The following C9 variants were observed in gnomAD, a reference collection of about 807,000 sequenced individuals.
C9 encodes complement C9.
A neutral mutation model predicts 65.4 loss-of-function variants in C9; 63 were observed. The ratio of observed to expected loss-of-function variants is 0.96; its 90% CI spans 0.79 to 1.19. C9 has a LOEUF of 1.19. Among genes scored for constraint, C9 ranks in the 50% most tolerant of loss-of-function variants. The pLI, the probability that C9 is intolerant of heterozygous loss-of-function variation, is 0.00. For synonymous variants in C9, 229 were observed against 227.9 expected, an observed-to-expected ratio of 1.00 and a Z score of -0.04; for missense variants, 744 against 670.1, an observed-to-expected ratio of 1.11 and a Z score of -1.22.
intron 5 of C9, among the ~76,000 whole-genome samples, chr5:39,319,750 T>G (rs1178777581): frequency 3.3e-5 from 5 of 152,154 alleles, no homozygotes; most frequent in Non-Finnish European, 7.4e-5. Flanking sequence ...CCAGCCTTCA[T>G]GAGTTCAGCC....
At chr5:39,318,493 T>G (rs1579855104) in intron 5 of C9, among the ~76,000 whole-genome samples, 1 of 152,186 alleles carries the variant, frequency 6.6e-6, no homozygotes, top group South Asian at 2.1e-4. Flanking sequence ...TGGCTGTGGG[T>G]TTTTCATATA....
At chr5:39,313,755 C>T (rs76308721) in intron 6 of C9, among the ~76,000 whole-genome samples, 3,978 of 152,254 alleles carry the variant, frequency 0.026, 162 homozygotes, top group African/African-American at 0.089. Context: ...GACCCCATGA[C>T]GAAGTCAACA....
intron 9 of C9, among the ~76,000 whole-genome samples, chr5:39,294,748 C>G (rs1198993207): frequency 1.3e-5 from 2 of 151,708 alleles, no homozygotes; most frequent in Non-Finnish European, 3.0e-5. Flanking sequence ...CAAAACCAGA[C>G]AAGGACACAA....
At chr5:39,340,820 A>G (rs1363169342) in intron 4 of C9, among the ~76,000 whole-genome samples, 1 of 152,190 alleles carries the variant, frequency 6.6e-6, no homozygotes, top group Non-Finnish European at 1.5e-5. Flanking sequence ...AAATGTTAAC[A>G]TATCATGTCA....
intron 4 of C9, among the ~76,000 whole-genome samples, chr5:39,336,508 A>G (rs1169511447): frequency 1.3e-5 from 2 of 152,126 alleles, no homozygotes; most frequent in Admixed American, 1.3e-4. Flanking sequence ...TGCCATATAT[A>G]GGTATCTTAA....
At chr5:39,287,316 T>A (rs1753007224) in intron 10 of C9, among the ~76,000 whole-genome samples, 1 of 152,030 alleles carries the variant, frequency 6.6e-6, no homozygotes. Context: ...ATTTTTATAG[T>A]TTCAGATCTT....
chr5:39,343,793 C>A (rs935275099), intron 1 of C9, among the ~76,000 whole-genome samples: 1 of 152,328 alleles, frequency 6.6e-6, no homozygotes, highest in East Asian at 1.9e-4. Flanking sequence ...CAGACTGACA[C>A]CTCACATGGC....
At chr5:39,302,922 C>T (rs1216246830) in intron 9 of C9, among the ~76,000 whole-genome samples, 1 of 152,102 alleles carries the variant, frequency 6.6e-6, no homozygotes, top group Non-Finnish European at 1.5e-5. Flanking sequence ...AGTAATATTT[C>T]TTATGAGTCT....
intron 10 of C9, among the ~76,000 whole-genome samples, chr5:39,285,829 G>C (rs554543378): frequency 6.6e-6 from 1 of 151,934 alleles, no homozygotes; most frequent in Non-Finnish European, 1.5e-5. Context: ...AGTTGAGGGA[G>C]AGAAAGTTGG....
intron 1 of C9, among the ~76,000 whole-genome samples, chr5:39,345,070 G>C (rs497433): frequency 0.29 from 43,275 of 151,444 alleles, 7,027 homozygotes; most frequent in Non-Finnish European, 0.36. Context: ...CAAAAACATG[G>C]CAAATTGTAA....
intron 10 of C9, among the ~76,000 whole-genome samples, chr5:39,287,936 T>C (rs1315201965): frequency 6.6e-6 from 1 of 151,924 alleles, no homozygotes; most frequent in Non-Finnish European, 1.5e-5. Context: ...ATGCAATATA[T>C]CCTTGTAACA....
At chr5:39,325,266 T>C (rs1753728873) in intron 5 of C9, among the ~76,000 whole-genome samples, 1 of 152,170 alleles carries the variant, frequency 6.6e-6, no homozygotes, top group Admixed American at 6.5e-5. Context: ...GCCAGAACCA[T>C]CTAGCCAAGC....
At chr5:39,317,314 G>A (rs889081035) in intron 5 of C9, among the ~76,000 whole-genome samples, 43 of 152,238 alleles carry the variant, frequency 2.8e-4, no homozygotes, top group African/African-American at 1.0e-3. Context: ...TCACTCTGAT[G>A]TTAGTTTCTT....
intron 5 of C9, among the ~76,000 whole-genome samples, chr5:39,329,676 T>G (rs1426066855): frequency 1.3e-5 from 2 of 152,166 alleles, no homozygotes; most frequent in Non-Finnish European, 2.9e-5. Flanking sequence ...AATAAGTAAC[T>G]AAGGCAAGAG....
intron 5 of C9, among the ~76,000 whole-genome samples, chr5:39,321,326 T>C (rs1267257727): frequency 6.6e-6 from 1 of 152,132 alleles, no homozygotes; most frequent in Non-Finnish European, 1.5e-5. Context: ...TGAATTTATG[T>C]TGCTAACAGT....
intron 3 of C9, 107 bp downstream of exon 3, chr5:39,341,449 T>A (rs1754080570): frequency 2.0e-6 from 3 of 1,483,162 alleles, no homozygotes; most frequent in Non-Finnish European, 2.8e-6. Context: ...TTTTGGGGCC[T>A]TTCACGCTTG....
intron 5 of C9, among the ~76,000 whole-genome samples, chr5:39,321,310 T>C (rs1008032881): frequency 1.3e-5 from 2 of 152,124 alleles, no homozygotes; most frequent in African/African-American, 2.4e-5. Flanking sequence ...GTTTTAAAAA[T>C]GTGATTGAAT....
intron 4 of C9, among the ~76,000 whole-genome samples, chr5:39,335,006 AAG>A (rs1554050656): frequency 6.6e-6 from 1 of 151,626 alleles, no homozygotes; most frequent in African/African-American, 2.4e-5. Flanking sequence ...AAAAAAAAAA[AAG>A]AAATAAACAC....
intron 1 of C9, among the ~76,000 whole-genome samples, chr5:39,355,859 T>C (rs894856429): frequency 4.6e-5 from 7 of 152,204 alleles, no homozygotes; most frequent in Non-Finnish European, 1.0e-4. Context: ...TTCCCTGGTG[T>C]CTGTGTTCAA....
Sources: gnomAD v4.1 joint callset for allele counts (sites outside exome capture counted in the v4.1 genomes callset) on GRCh38, gnomAD v4.1.1 for gene constraint, MANE v1.5 for transcripts, NCBI Gene and HGNC (gene_info 2026-07-23, HGNC 2026-07-21) for gene names.